The following FAHD2A variants were observed in gnomAD, a reference collection of about 807,000 sequenced individuals.
FAHD2A encodes oxaloacetate tautomerase FAHD2A, mitochondrial.
FAHD2A carries 27 observed loss-of-function variants against 33.4 expected under a neutral mutation model. The observed-to-expected ratio is 0.81, with a 90% CI of 0.60 to 1.11. The LOEUF is 1.11. Among genes scored for constraint, FAHD2A ranks in the 50% most tolerant of loss-of-function variants. The probability of loss-of-function intolerance (pLI) is 0.00; values close to 1 mark genes in which losing one functional copy is unlikely to be tolerated. For synonymous variants in FAHD2A, 130 were observed against 153.3 expected, an observed-to-expected ratio of 0.85 and a Z score of 1.12; for missense variants, 296 against 395.0, an observed-to-expected ratio of 0.75 and a Z score of 2.12.
At chr2:95,406,918 C>T (rs768027373) in intron 2 of FAHD2A, 23 bp from the exon 3 acceptor site, 10 of 1,593,970 alleles carry the variant, frequency 6.3e-6, no homozygotes, top group South Asian at 2.3e-5. Context: ...GCCAGACCCT[C>T]TCACCTGCTC....
At chr2:95,411,462 G>A (rs1242393300) in intron 5 of FAHD2A, among the ~76,000 whole-genome samples, 12 of 152,234 alleles carry the variant, frequency 7.9e-5, no homozygotes, top group East Asian at 1.9e-4. Context: ...AGGATACAGC[G>A]CCAGGATGGG....
Position 95,413,863 on chromosome 2 carries a change from G to A in FAHD2A, c.*906G>A. ...GTCTTAATGAGGCACCATCAGGCCA[G>A]CCCTGTGGGGTGATGGGAACATAGC... On this transcript the variant is annotated 3_prime_UTR_variant, in exon 8 of 8. Transcript: ENST00000233379. 2.4e-6 allele frequency: 2 copies of A among 818,212 alleles called. No individual in the cohort carries two copies. Among genetic ancestry groups the A allele is most frequent in the East Asian group, 2.4e-5 (1 of 41,344 alleles). The allele number at this position is 818,212 out of a possible 1,614,324, so 50.7% of individuals were successfully genotyped here. A position where few individuals can be genotyped will look rare whatever the true frequency, so the allele number is the denominator to read the frequency against.
intron 2 of FAHD2A, among the ~76,000 whole-genome samples, chr2:95,406,581 A>G (rs1473224119): frequency 6.6e-6 from 1 of 152,056 alleles, no homozygotes; most frequent in Non-Finnish European, 1.5e-5. Flanking sequence ...TGTAAATAGT[A>G]TGCTATCATT....
rs1309620197 is a variant in FAHD2A at position 95,416,175 on chromosome 2, C to T, written c.*3218C>T. ...GTGTGTATCCTGGTTCTGCTAGGAA[C>T]ACGTGTGGGGCTTTGTGTGGGTGAC... On this transcript the variant is annotated 3_prime_UTR_variant, in exon 8 of 8. Coordinates refer to ENST00000233379, the MANE Select transcript of FAHD2A (RefSeq NM_016044.3). 2 of 152,200 alleles carry T rather than the reference C, an allele frequency of 1.3e-5. No individual in the cohort carries two copies. The highest frequency in any genetic ancestry group is 4.8e-5 in the African/African-American group (2 of 41,426). The allele number at this position is 152,200 out of a possible 1,614,324, so 9.4% of individuals were successfully genotyped here.
chr2:95,404,326 G>A (rs1047398392), intron 1 of FAHD2A, among the ~76,000 whole-genome samples: 3 of 151,432 alleles, frequency 2.0e-5, no homozygotes, highest in African/African-American at 4.9e-5. Flanking sequence ...TGGAGTCTTC[G>A]TCTGTCACCC....
intron 1 of FAHD2A, among the ~76,000 whole-genome samples, chr2:95,404,021 A>G (rs943137968): frequency 5.9e-5 from 9 of 152,228 alleles, no homozygotes; most frequent in Admixed American, 5.9e-4. Flanking sequence ...CTGGTGGGCC[A>G]CAACAGTGGT....
At chr2:95,411,098 G>T (rs1682422975) in intron 5 of FAHD2A, 72 bp downstream of exon 5, 1 of 1,582,162 alleles carries the variant, frequency 6.3e-7, no homozygotes, top group East Asian at 2.2e-5. Context: ...AGGAGCATGG[G>T]TTCAGGTACA....
chr2:95,412,663 C>G lies in FAHD2A; in HGVS notation c.795-14C>G. Reference sequence around the variant, plus strand: ...CAGCCCCTGGTCTCACCGGGTCCTTCTGCTTTGATCCAGGTTTGTTACCTT... The same window carrying G: ...CAGCCCCTGGTCTCACCGGGTCCTTGTGCTTTGATCCAGGTTTGTTACCTT... On this transcript the variant is annotated splice_polypyrimidine_tract_variant and intron_variant, in intron 6 of 7. Transcript: ENST00000233379. 6.2e-7 allele frequency: 1 copy of G among 1,614,098 alleles called. No individual in the cohort carries two copies. The highest frequency in any genetic ancestry group is 2.2e-5 in the East Asian group (1 of 44,872).
chr2:95,412,451 A>T lies in FAHD2A; in HGVS notation c.703A>T (p.Ile235Phe). Residue 235 changes from isoleucine to phenylalanine, a missense_variant, in exon 6 of 8, where the codon ATC (isoleucine) becomes TTC (phenylalanine). Coordinates refer to ENST00000233379, the MANE Select transcript of FAHD2A (RefSeq NM_016044.3). ...CATTTCAGATCCACACAACTTAAAG[A>T]TCTGCTGCCGAGTGAATGGGGAAGT... is the stretch of plus-strand genomic sequence containing the variant. The part of the protein sequence containing the change: ...DSVADPHNLK[I>F]CCRVNGEVVQ... 6.2e-7 allele frequency: 1 copy of T among 1,613,866 alleles called. No homozygotes were observed. The highest frequency in any genetic ancestry group is 8.5e-7 in the Non-Finnish European group (1 of 1,179,850).
In FAHD2A at chr2:95,407,071, G is replaced by A. The variant is rs761197214; in HGVS notation, c.376G>A (p.Val126Met). The A allele has an allele frequency of 1.7e-5, 28 of 1,612,780 alleles. No homozygotes were observed. Among genetic ancestry groups the A allele is most frequent in the East Asian group, 6.7e-5 (3 of 44,892 alleles). ...VDHCKEQNVP[V>M]PKEPIIFSKF... ...CCACTGCAAAGAACAGAACGTGCCCGTGCCCAAGGAGCCCATCATCTTCAG... is the reference window on the plus strand; with the variant it reads ...CCACTGCAAAGAACAGAACGTGCCCATGCCCAAGGAGCCCATCATCTTCAG... Residue 126 changes from valine (V) to methionine (M), a missense_variant, in exon 3 of 8, where the codon GTG becomes ATG. Transcript: ENST00000233379.
intron 3 of FAHD2A, among the ~76,000 whole-genome samples, chr2:95,408,949 C>A (rs967020832): frequency 6.6e-6 from 1 of 152,220 alleles, no homozygotes; most frequent in Non-Finnish European, 1.5e-5. Context: ...AACAATACCC[C>A]CTGCCCTTTC....
At position 95,415,489 on chromosome 2, in the gene FAHD2A, T is replaced by G. The variant is rs577876033; in HGVS notation, c.*2532T>G. ...AACATGTGAGATGAAGCATGTTATG[T>G]TATTAGGCATTCTCTTGATTCGGTA... On this transcript the variant is annotated 3_prime_UTR_variant, in exon 8 of 8. Coordinates refer to ENST00000233379, the MANE Select transcript of FAHD2A (RefSeq NM_016044.3). 1 of 152,536 alleles carries G rather than the reference T, an allele frequency of 6.6e-6. No individual in the cohort carries two copies. Among genetic ancestry groups the G allele is most frequent in the African/African-American group, 2.4e-5 (1 of 41,480 alleles). 9.4% of individuals were successfully genotyped at this position (152,536 alleles called of 1,614,324 possible).
chr2:95,414,138 A>G lies in FAHD2A; in HGVS notation c.*1181A>G. 1.3e-6 allele frequency: 2 copies of G among 1,519,492 alleles called. No homozygotes were observed. Among genetic ancestry groups the G allele is most frequent in the East Asian group, 4.6e-5 (2 of 43,822 alleles). 94.1% of individuals were successfully genotyped at this position (1,519,492 alleles called of 1,614,324 possible). Reference sequence around the variant, plus strand: ...TAGATCTCCGACTGGACAGAAGACTACTCTGCAGCCCGCCTTCCTAGAGTT... The same window carrying G: ...TAGATCTCCGACTGGACAGAAGACTGCTCTGCAGCCCGCCTTCCTAGAGTT... On this transcript the variant is annotated 3_prime_UTR_variant, in exon 8 of 8. Coordinates refer to ENST00000233379, the MANE Select transcript of FAHD2A (RefSeq NM_016044.3).
In FAHD2A at chr2:95,415,817, C is replaced by T. The variant is rs2544492; in HGVS notation, c.*2860C>T. The T allele has an allele frequency of 3.9e-5, 6 of 152,674 alleles. No homozygotes were observed. The highest frequency in any genetic ancestry group is 7.3e-5 in the Non-Finnish European group (5 of 68,106). 9.5% of individuals were successfully genotyped at this position (152,674 alleles called of 1,614,324 possible). On this transcript the variant is annotated 3_prime_UTR_variant, in exon 8 of 8. Transcript: ENST00000233379. ...CACACTCCCATGCTGCATCCCAGCC[C>T]CTCCAGAAGCAGAGCATGACCTGGG...
chr2:95,415,310 C>T lies in FAHD2A; in HGVS notation c.*2353C>T, dbSNP rs981720856. 1 of 151,852 alleles carries T rather than the reference C, an allele frequency of 6.6e-6. No homozygotes were observed. The highest frequency in any genetic ancestry group is 2.4e-5 in the African/African-American group (1 of 41,178). The allele number at this position is 151,852 out of a possible 1,614,324, so 9.4% of individuals were successfully genotyped here. ...CCACTGCCCCAGACCCACCTTGGCT[C>T]TCTCCTCACTAACACCCGAGAAGCC... On this transcript the variant is annotated 3_prime_UTR_variant, in exon 8 of 8. Coordinates refer to ENST00000233379, the MANE Select transcript of FAHD2A (RefSeq NM_016044.3).
chr2:95,402,983 G>C (rs1680965935), intron 1 of FAHD2A, 111 bp downstream of exon 1: 1 of 152,440 alleles, frequency 6.6e-6, no homozygotes, highest in African/African-American at 2.4e-5. Context: ...CACAGACGGG[G>C]CGGACCTGTG....
At position 95,413,863 on chromosome 2, in the gene FAHD2A, G is replaced by T; in HGVS notation, c.*906G>T. The T allele has an allele frequency of 1.2e-6, 1 of 818,212 alleles. No individual in the cohort carries two copies. Among genetic ancestry groups the T allele is most frequent in the South Asian group, 1.5e-5 (1 of 67,204 alleles). The allele number at this position is 818,212 out of a possible 1,614,324, so 50.7% of individuals were successfully genotyped here. On this transcript the variant is annotated 3_prime_UTR_variant, in exon 8 of 8. Coordinates refer to ENST00000233379, the MANE Select transcript of FAHD2A (RefSeq NM_016044.3). ...GTCTTAATGAGGCACCATCAGGCCA[G>T]CCCTGTGGGGTGATGGGAACATAGC...
chr2:95,414,130 A>G lies in FAHD2A; in HGVS notation c.*1173A>G, dbSNP rs926764788. The G allele has an allele frequency of 4.9e-4, 734 of 1,505,210 alleles. 1 individual carries two copies. The highest frequency in any genetic ancestry group is 6.4e-4 in the Non-Finnish European group (702 of 1,099,490). The allele number at this position is 1,505,210 out of a possible 1,614,324, so 93.2% of individuals were successfully genotyped here. ...GGGAGGGATAGATCTCCGACTGGACAGAAGACTACTCTGCAGCCCGCCTTC... is the reference window on the plus strand; with the variant it reads ...GGGAGGGATAGATCTCCGACTGGACGGAAGACTACTCTGCAGCCCGCCTTC... On this transcript the variant is annotated 3_prime_UTR_variant, in exon 8 of 8. Coordinates refer to ENST00000233379, the MANE Select transcript of FAHD2A (RefSeq NM_016044.3).
rs1683035951 is a variant in FAHD2A, at chr2:95,415,181, G to A, written c.*2224G>A. 1 of 152,126 alleles carries A rather than the reference G, an allele frequency of 6.6e-6. No individual in the cohort carries two copies. Among genetic ancestry groups the A allele is most frequent in the Non-Finnish European group, 1.5e-5 (1 of 68,066 alleles). 9.4% of individuals were successfully genotyped at this position (152,126 alleles called of 1,614,324 possible). A position where few individuals can be genotyped will look rare whatever the true frequency, so the allele number is the denominator to read the frequency against. On this transcript the variant is annotated 3_prime_UTR_variant, in exon 8 of 8. Transcript: ENST00000233379. ...CCCAAAATACAGCAGAGGACACCAG[G>A]ACTTTCATTTTCCCTCAGTATGGCC...
Sources: allele counts gnomAD v4.1 joint callset (sites outside exome capture counted in the v4.1 genomes callset), GRCh38; gene constraint gnomAD v4.1.1; transcripts MANE v1.5; gene names NCBI Gene and HGNC (gene_info 2026-07-23, HGNC 2026-07-21).